Variants in SGCZ observed in about 807,000 individuals in gnomAD.
SGCZ encodes sarcoglycan zeta, also known as zeta-sarcoglycan.
Under a neutral mutation model 41.3 loss-of-function variants are expected in SGCZ, and 40 were observed. That is an observed-to-expected ratio of 0.97 (90% confidence interval 0.75 to 1.26). The LOEUF (loss-of-function observed/expected upper bound fraction) is 1.26. Among genes scored for constraint, SGCZ ranks in the 50% most tolerant of loss-of-function variants. The probability of loss-of-function intolerance (pLI) is 0.00; values close to 1 mark genes in which losing one functional copy is unlikely to be tolerated. For synonymous variants in SGCZ, 206 were observed against 137.5 expected (o/e 1.50, Z -3.49); for missense variants, 552 against 369.8 (o/e 1.49, Z -4.04).
chr8:14,369,127 T>C (rs1201862134), intron 2 of SGCZ, among the ~76,000 whole-genome samples: 2 of 151,838 alleles, frequency 1.3e-5, no homozygotes, highest in African/African-American at 4.8e-5. Context: ...TTAACACCTA[T>C]AGTGATATTA....
intron 4 of SGCZ, among the ~76,000 whole-genome samples, chr8:14,217,213 G>A (rs186727690): frequency 2.6e-4 from 39 of 149,726 alleles, no homozygotes; most frequent in Non-Finnish European, 3.3e-4. Flanking sequence ...GGAGAATGGC[G>A]TGAACCTGGG....
chr8:14,811,037 C>T (rs1049256871), intron 1 of SGCZ, among the ~76,000 whole-genome samples: 4 of 151,890 alleles, frequency 2.6e-5, no homozygotes, highest in Non-Finnish European at 4.4e-5. Flanking sequence ...TCTAGATTAA[C>T]TGTAGTGTCC....
At chr8:14,423,408 A>G (rs1261795160) in intron 2 of SGCZ, among the ~76,000 whole-genome samples, 2 of 152,210 alleles carry the variant, frequency 1.3e-5, no homozygotes, top group African/African-American at 2.4e-5. Flanking sequence ...ATTCATAGCT[A>G]TAATGATAAT....
At chr8:15,001,372 A>G (rs531686375) in intron 1 of SGCZ, among the ~76,000 whole-genome samples, 2 of 152,272 alleles carry the variant, frequency 1.3e-5, no homozygotes, top group African/African-American at 4.8e-5. Context: ...AAGTCTTGCA[A>G]GTTTACTGGG....
chr8:15,102,134 A>G (rs962370083), intron 1 of SGCZ, among the ~76,000 whole-genome samples: 3 of 152,174 alleles, frequency 2.0e-5, no homozygotes, highest in African/African-American at 7.2e-5. Context: ...CTTTATTCAT[A>G]ATTGCCAAAA....
At chr8:14,560,991 T>C (rs900942308) in intron 1 of SGCZ, among the ~76,000 whole-genome samples, 1 of 152,142 alleles carries the variant, frequency 6.6e-6, no homozygotes, top group Admixed American at 6.6e-5. Context: ...CAAAATACTT[T>C]AGAGCATCTA....
intron 3 of SGCZ, among the ~76,000 whole-genome samples, chr8:14,288,653 T>C (rs1265516042): frequency 6.6e-6 from 1 of 152,228 alleles, no homozygotes; most frequent in Non-Finnish European, 1.5e-5. Context: ...CTCCATTATA[T>C]GGATTTACCA....
At chr8:14,500,057 A>G (rs1182119490) in intron 2 of SGCZ, among the ~76,000 whole-genome samples, 1 of 152,102 alleles carries the variant, frequency 6.6e-6, no homozygotes, top group African/African-American at 2.4e-5. Context: ...CCTTTAGAGC[A>G]CCCATTAAAA....
chr8:14,225,651 T>C (rs549764972), intron 4 of SGCZ, among the ~76,000 whole-genome samples: 2 of 152,232 alleles, frequency 1.3e-5, no homozygotes, highest in African/African-American at 2.4e-5. Flanking sequence ...TAAAGGAGCA[T>C]GTATAATAAA....
At chr8:14,325,745 CACATATATATATATAT>C (rs1323317609) in intron 2 of SGCZ, among the ~76,000 whole-genome samples, 503 of 25,408 alleles carry the variant, frequency 0.02, 2 homozygotes, top group Middle Eastern at 0.043. Flanking sequence ...CACACACACA[CACATATATATATATAT>C]ATATATATAT....
intron 1 of SGCZ, among the ~76,000 whole-genome samples, chr8:15,049,136 T>C (rs1055805768): frequency 1.3e-5 from 2 of 152,140 alleles, no homozygotes; most frequent in African/African-American, 4.8e-5. Context: ...GATATGAAGA[T>C]CTTAAAAAGA....
intron 1 of SGCZ, among the ~76,000 whole-genome samples, chr8:14,665,534 G>A (rs1200251026): frequency 6.6e-6 from 1 of 152,134 alleles, no homozygotes; most frequent in African/African-American, 2.4e-5. Flanking sequence ...CCAGTAATGG[G>A]ATGGCTGGGT....
chr8:14,436,859 G>A (rs894662341), intron 2 of SGCZ, among the ~76,000 whole-genome samples: 9 of 152,114 alleles, frequency 5.9e-5, no homozygotes, highest in African/African-American at 2.2e-4. Flanking sequence ...TTGGAAAACT[G>A]ACAAAATATG....
chr8:14,847,720 A>C (rs1803181977), intron 1 of SGCZ, among the ~76,000 whole-genome samples: 3 of 110,352 alleles, frequency 2.7e-5, no homozygotes, highest in East Asian at 3.2e-4. Context: ...GGGAGGAGGA[A>C]AGGGAGGGAG....
chr8:14,334,495 T>G (rs111882392), intron 2 of SGCZ, among the ~76,000 whole-genome samples: 343 of 152,256 alleles, frequency 2.3e-3, no homozygotes, highest in African/African-American at 7.5e-3. Context: ...ATAGAACATG[T>G]TACATTTATT....
In SGCZ at chr8:14,662,913, T is replaced by C. The variant is rs996891121; in HGVS notation, c.40-107987A>G. On this transcript the variant is annotated intron_variant, in intron 1 of 7. Transcript: ENST00000382080. Reference sequence around the variant, plus strand: ...ATGAGCCAAGGGATGTGACAGTCTCTAGAAGATAGAAATGGGTTTCAGCTG... The same window carrying C: ...ATGAGCCAAGGGATGTGACAGTCTCCAGAAGATAGAAATGGGTTTCAGCTG... Among the ~76,000 whole-genome samples, 10 of 152,082 alleles carry C rather than the reference T, an allele frequency of 6.6e-5. No individual in the cohort carries two copies. The South Asian group carries it at 1.7e-3, about 25-fold the overall frequency.
At chr8:14,445,377 C>T (rs1201943130) in intron 2 of SGCZ, among the ~76,000 whole-genome samples, 1 of 152,152 alleles carries the variant, frequency 6.6e-6, no homozygotes, top group Non-Finnish European at 1.5e-5. Flanking sequence ...TATCCTTTGC[C>T]TATAAAGACC....
chr8:14,268,715 A>T (rs185290803), intron 3 of SGCZ, among the ~76,000 whole-genome samples: 11 of 152,000 alleles, frequency 7.2e-5, no homozygotes, highest in African/African-American at 2.6e-4. Flanking sequence ...AAATTATAAA[A>T]ACAAAGATTA....
chr8:14,585,700 T>G (rs1805034223), intron 1 of SGCZ, among the ~76,000 whole-genome samples: 2 of 152,140 alleles, frequency 1.3e-5, no homozygotes, highest in African/African-American at 4.8e-5. Context: ...AGTTCAAACA[T>G]TAACAAAAAA....
Sources: allele counts gnomAD v4.1 joint callset (sites outside exome capture counted in the v4.1 genomes callset), GRCh38; gene constraint gnomAD v4.1.1; transcripts MANE v1.5; gene names NCBI Gene and HGNC (gene_info 2026-07-23, HGNC 2026-07-21).